L3MBTL4: variants seen among roughly 807,000 people sequenced by gnomAD.
L3MBTL4 encodes lethal(3)malignant brain tumor-like protein 4.
Under a neutral mutation model 84.5 loss-of-function variants are expected in L3MBTL4, and 70 were observed. The observed-to-expected ratio is 0.83, with a 90% CI of 0.68 to 1.01. The LOEUF (loss-of-function observed/expected upper bound fraction) is 1.01. L3MBTL4 is among the 50% of genes least tolerant of loss of function. The probability of loss-of-function intolerance (pLI) is 0.00; values close to 1 mark genes in which losing one functional copy is unlikely to be tolerated. For missense variants in L3MBTL4, 715 were observed against 754.8 expected, an observed-to-expected ratio of 0.95 and a Z score of 0.62; for synonymous variants, 274 against 259.8, an observed-to-expected ratio of 1.05 and a Z score of -0.52.
At chr18:6,137,742 G>T (rs2060067993) in intron 14 of L3MBTL4, among the ~76,000 whole-genome samples, 1 of 152,100 alleles carries the variant, frequency 6.6e-6, no homozygotes, top group South Asian at 2.1e-4. Flanking sequence ...TAAAACATGG[G>T]CATATTCTGC....
chr18:6,037,119 A>G (rs2056177506), intron 16 of L3MBTL4, among the ~76,000 whole-genome samples: 2 of 152,186 alleles, frequency 1.3e-5, no homozygotes, highest in South Asian at 4.1e-4. Flanking sequence ...GGAAGCAGCA[A>G]TCAGCAGTCA....
chr18:5,970,874 G>A (rs759013372), intron 16 of L3MBTL4, among the ~76,000 whole-genome samples: 4 of 152,184 alleles, frequency 2.6e-5, no homozygotes, highest in Admixed American at 6.5e-5. Context: ...TCTAAACTAC[G>A]AGCGAGCTTG....
chr18:5,958,119 A>AAGAAGC (rs1567911851), intron 18 of L3MBTL4, among the ~76,000 whole-genome samples: 1 of 52,632 alleles, frequency 1.9e-5, no homozygotes, highest in African/African-American at 8.7e-5. Context: ...GAAGAAGAAG[A>AAGAAGC]AGAAGAAGAA....
Position 5,968,782 on chromosome 18 carries a change from G to T in L3MBTL4, c.1614+611C>A, listed in dbSNP as rs186999879. 1.3e-3 allele frequency among the ~76,000 whole-genome samples: 194 copies of T among 152,266 alleles called. 1 individual carries two copies. The highest frequency in any genetic ancestry group is 4.5e-3 in the African/African-American group (188 of 41,552). ...CAATATTGTAAGGCATGTTTATAAT[G>T]AAATCTGATCCAACTTGCCCCCTCT... On this transcript the variant is annotated intron_variant, in intron 17 of 18. Coordinates refer to ENST00000317931, the MANE Select transcript of L3MBTL4 (RefSeq NM_001330559.2).
At chr18:6,081,539 T>A (rs185468785) in intron 15 of L3MBTL4, among the ~76,000 whole-genome samples, 189 of 152,312 alleles carry the variant, frequency 1.2e-3, no homozygotes, top group African/African-American at 4.1e-3. Flanking sequence ...GGATTGCTAA[T>A]TAGTCAGTAA....
At chr18:6,122,074 C>T in intron 14 of L3MBTL4, among the ~76,000 whole-genome samples, 1 of 152,168 alleles carries the variant, frequency 6.6e-6, no homozygotes, top group East Asian at 1.9e-4. Flanking sequence ...AAGACACTAT[C>T]TGTCCAAGGC....
intron 3 of L3MBTL4, among the ~76,000 whole-genome samples, chr18:6,310,360 G>A (rs180728936): frequency 2.0e-4 from 31 of 152,282 alleles, no homozygotes; most frequent in Non-Finnish European, 2.2e-4. Flanking sequence ...CAGGGAACTG[G>A]CCCCTGGCCC....
At chr18:6,282,586 G>A (rs1172704274) in intron 4 of L3MBTL4, among the ~76,000 whole-genome samples, 1 of 152,156 alleles carries the variant, frequency 6.6e-6, no homozygotes, top group Non-Finnish European at 1.5e-5. Flanking sequence ...CGGGAGACCG[G>A]AAAGGGCAAG....
chr18:6,188,584 C>T (rs986860828), intron 12 of L3MBTL4, among the ~76,000 whole-genome samples: 2 of 152,190 alleles, frequency 1.3e-5, no homozygotes, highest in Non-Finnish European at 2.9e-5. Flanking sequence ...GCCACTTCCT[C>T]CAGCTCAGGG....
chr18:6,016,822 C>A (rs2055004902), intron 16 of L3MBTL4, among the ~76,000 whole-genome samples: 1 of 152,066 alleles, frequency 6.6e-6, no homozygotes, highest in Non-Finnish European at 1.5e-5. Flanking sequence ...TGAACGGAGA[C>A]CTGAAGGGTG....
chr18:6,248,203 C>T (rs572755574), intron 5 of L3MBTL4, among the ~76,000 whole-genome samples: 26 of 152,288 alleles, frequency 1.7e-4, no homozygotes, highest in Non-Finnish European at 3.2e-4. Context: ...TTTAACAAAT[C>T]CTACAGGGCC....
chr18:6,126,370 C>T (rs2059695511), intron 14 of L3MBTL4, among the ~76,000 whole-genome samples: 1 of 152,094 alleles, frequency 6.6e-6, no homozygotes. Context: ...TTTTGGTTCT[C>T]AAGGTGACTT....
At chr18:6,003,064 CTATTTATAGAGATACTA>C (rs1375542698) in intron 16 of L3MBTL4, among the ~76,000 whole-genome samples, 4 of 110,660 alleles carry the variant, frequency 3.6e-5, no homozygotes, top group African/African-American at 7.0e-5. Flanking sequence ...TATAGTATCT[CTATTTATAGAGATACTA>C]TATAAAATAT....
At chr18:6,336,409 T>G (rs985063128) in intron 1 of L3MBTL4, among the ~76,000 whole-genome samples, 3 of 152,170 alleles carry the variant, frequency 2.0e-5, no homozygotes, top group African/African-American at 7.2e-5. Context: ...ATGAAGAGTG[T>G]TACTCTAATA....
chr18:6,318,604 A>C (rs1568484686), intron 1 of L3MBTL4, among the ~76,000 whole-genome samples: 1 of 151,720 alleles, frequency 6.6e-6, no homozygotes, highest in Non-Finnish European at 1.5e-5. Context: ...ACATGCCCCT[A>C]ACTCTGGAGC....
chr18:6,237,213 C>A (rs1368396971), intron 10 of L3MBTL4, among the ~76,000 whole-genome samples: 1 of 151,990 alleles, frequency 6.6e-6, no homozygotes, highest in African/African-American at 2.4e-5. Context: ...GGAAGTCTGG[C>A]AAGTTTGGAG....
intron 1 of L3MBTL4, among the ~76,000 whole-genome samples, chr18:6,376,325 CCT>C (rs1434621426): frequency 6.6e-6 from 1 of 152,252 alleles, no homozygotes; most frequent in East Asian, 1.9e-4. Flanking sequence ...AGTAGCACCC[CCT>C]GACTCGCTGT....
chr18:6,212,672 G>T (rs2046159259), intron 12 of L3MBTL4, among the ~76,000 whole-genome samples: 1 of 152,152 alleles, frequency 6.6e-6, no homozygotes, highest in African/African-American at 2.4e-5. Flanking sequence ...TAATAACAAT[G>T]ATTTCAAGCG....
intron 14 of L3MBTL4, 95 bp downstream of exon 14, chr18:6,138,099 G>C: frequency 1.4e-6 from 1 of 729,382 alleles, no homozygotes; most frequent in South Asian, 2.2e-5. Flanking sequence ...GGGGCAGCTG[G>C]CTCCATGAGA....
Sources: allele counts gnomAD v4.1 joint callset (sites outside exome capture counted in the v4.1 genomes callset), GRCh38; gene constraint gnomAD v4.1.1; transcripts MANE v1.5; gene names NCBI Gene and HGNC (gene_info 2026-07-23, HGNC 2026-07-21).